MRPL45: variants seen among roughly 807,000 people sequenced by gnomAD.
The protein encoded by MRPL45 is large ribosomal subunit protein mL45.
MRPL45 carries 20 observed loss-of-function variants against 38.1 expected under a neutral mutation model. The ratio of observed to expected loss-of-function variants is 0.53; its 90% CI spans 0.37 to 0.76. The LOEUF is 0.76. MRPL45 is among the 30% of genes least tolerant of loss of function. The pLI is 0.00. For synonymous variants in MRPL45, 105 were observed against 128.8 expected (o/e 0.82, Z 1.25); for missense variants, 337 against 395.6 (o/e 0.85, Z 1.26).
At chr17:38,304,370 G>A (rs1244449752) in intron 3 of MRPL45, among the ~76,000 whole-genome samples, 1 of 152,078 alleles carries the variant, frequency 6.6e-6, no homozygotes, top group African/African-American at 2.4e-5. Flanking sequence ...CAGTTACTTG[G>A]GAGTCTGAAG....
chr17:38,309,075 T>G (rs554181904), intron 4 of MRPL45, among the ~76,000 whole-genome samples: 1 of 151,324 alleles, frequency 6.6e-6, no homozygotes, highest in Admixed American at 6.6e-5. Flanking sequence ...CCCAGCTAAT[T>G]TTTGTATTTT....
chr17:38,298,725 C>T (rs1416836450), intron 2 of MRPL45, 99 bp downstream of exon 2: 13 of 1,503,188 alleles, frequency 8.6e-6, no homozygotes, highest in African/African-American at 2.8e-5. Context: ...TAATTAAGCA[C>T]GAAGTCAGTT....
At chr17:38,311,837 A>G (rs1195382322) in intron 4 of MRPL45, among the ~76,000 whole-genome samples, 1 of 152,130 alleles carries the variant, frequency 6.6e-6, no homozygotes, top group Admixed American at 6.6e-5. Context: ...AGCCTCTAGA[A>G]CTGTGAGAAA....
chr17:38,304,746 A>G (rs1412538208), intron 3 of MRPL45, among the ~76,000 whole-genome samples: 1 of 151,542 alleles, frequency 6.6e-6, no homozygotes, highest in African/African-American at 2.4e-5. Flanking sequence ...GTTTCACCAT[A>G]TTGGCCAGGC....
In MRPL45 at chr17:38,320,673, T is replaced by C. The variant is rs1352254216; in HGVS notation, c.566T>C (p.Leu189Ser). 3 of 1,614,072 alleles carry C rather than the reference T, an allele frequency of 1.9e-6. No homozygotes were observed. Among genetic ancestry groups the C allele is most frequent in the East Asian group, 4.5e-5 (2 of 44,894 alleles). ...GTCCGCTGGAGCTTTGTGGAATCTT[T>C]AGAGCCCTCTCATGTTGTTCAAGTT... is the stretch of plus-strand genomic sequence containing the variant. ...KTVRWSFVES[L>S]EPSHVVQVRC... The change falls in exon 6 of 8, where the codon TTA becomes TCA. Residue 189 changes from leucine to serine, a missense_variant. Transcript: ENST00000613675.
intron 5 of MRPL45, among the ~76,000 whole-genome samples, chr17:38,318,996 T>TA (rs1254845883): frequency 2.7e-4 from 34 of 126,330 alleles, no homozygotes; most frequent in African/African-American, 5.9e-4. Context: ...CCCAGCTAAT[T>TA]TTTTATTTAT....
At chr17:38,313,218 C>T (rs1442536414) in intron 4 of MRPL45, among the ~76,000 whole-genome samples, 40 of 147,936 alleles carry the variant, frequency 2.7e-4, no homozygotes, top group Non-Finnish European at 2.7e-4. Context: ...CTCCTGACCT[C>T]GTGATCCACC....
chr17:38,297,254 G>C lies in MRPL45; in HGVS notation c.66+5G>C. 1 of 1,613,998 alleles carries C rather than the reference G, an allele frequency of 6.2e-7. No homozygotes were observed. The highest frequency in any genetic ancestry group is 8.5e-7 in the Non-Finnish European group (1 of 1,179,862). ...TTGGGCTGGTGGTCTCGGCAGGTGG[G>C]TAGGGACGGGGCCGATAGGACCCTA... is the stretch of plus-strand genomic sequence containing the variant. On this transcript the variant is annotated splice_donor_5th_base_variant and intron_variant, in intron 1 of 7. Coordinates refer to ENST00000613675, the MANE Select transcript of MRPL45 (RefSeq NM_032351.6).
chr17:38,307,271 G>A (rs1382079558), intron 4 of MRPL45, among the ~76,000 whole-genome samples: 1 of 151,488 alleles, frequency 6.6e-6, no homozygotes, highest in Non-Finnish European at 1.5e-5. Context: ...CCTGACCTCA[G>A]GCAACCTGCC....
intron 4 of MRPL45, among the ~76,000 whole-genome samples, chr17:38,310,958 A>G (rs1830849287): frequency 6.6e-6 from 1 of 152,130 alleles, no homozygotes; most frequent in Non-Finnish European, 1.5e-5. Context: ...AAAATCTAAG[A>G]CAATCATTTA....
chr17:38,313,312 A>ATATATATATATATATATATATATACG (rs2037135606), intron 4 of MRPL45, among the ~76,000 whole-genome samples: 2 of 30,936 alleles, frequency 6.5e-5, no homozygotes, highest in East Asian at 1.4e-3. Context: ...AAAAAAAAAA[A>ATATATATATATATATATATATATACG]TATATATATA....
intron 3 of MRPL45, among the ~76,000 whole-genome samples, chr17:38,305,468 CAAAA>C (rs570891836): frequency 8.9e-6 from 1 of 112,436 alleles, no homozygotes; most frequent in Admixed American, 9.2e-5. Flanking sequence ...GACTCTGTCT[CAAAA>C]AAAAAAAAAA....
intron 3 of MRPL45, among the ~76,000 whole-genome samples, chr17:38,305,206 G>C (rs1307900582): frequency 7.6e-6 from 1 of 131,994 alleles, no homozygotes; most frequent in Non-Finnish European, 1.7e-5. Flanking sequence ...CCATGGCTCA[G>C]GCCTGTAATC....
At position 38,322,312 on chromosome 17, in the gene MRPL45, G is replaced by C. The variant is rs751485191; in HGVS notation, c.834+13G>C. 14 of 1,612,574 alleles carry C rather than the reference G, an allele frequency of 8.7e-6. No homozygotes were observed. The Admixed American group carries it at 2.3e-4, about 27-fold the overall frequency. The stretch of plus-strand genomic sequence containing the variant: ...GCCCATCCTTAAGGTAAGGTGGCTT[G>C]CATGGTTTAAGAGAGCTGAGGCACT... On this transcript the variant is annotated intron_variant, in intron 7 of 7. Transcript: ENST00000613675.
intron 4 of MRPL45, among the ~76,000 whole-genome samples, chr17:38,307,244 C>T (rs2144214569): frequency 6.6e-6 from 1 of 151,884 alleles, no homozygotes; most frequent in South Asian, 2.1e-4. Flanking sequence ...TCATGTTGGC[C>T]AGACTGGTCC....
Position 38,320,756 on chromosome 17 carries a change from C to T in MRPL45, c.649C>T (p.His217Tyr). The change falls in exon 6 of 8, where the codon CAC becomes TAC. Residue 217 changes from histidine (H) to tyrosine (Y), a missense_variant. Physicochemically the swap from His to Tyr is moderately conservative, Grantham distance 83. Transcript: ENST00000613675. Reference protein sequence around the residue: ...NVYGQITVRMHTRQTLAIYDR... With the variant: ...NVYGQITVRMYTRQTLAIYDR... ...GTACGGCCAGATCACCGTACGCATGCACACCCGGCAGGTAGAGGCACTCGT... is the reference window on the plus strand; with the variant it reads ...GTACGGCCAGATCACCGTACGCATGTACACCCGGCAGGTAGAGGCACTCGT... 2 of 1,613,982 alleles carry T rather than the reference C, an allele frequency of 1.2e-6. No individual in the cohort carries two copies. The highest frequency in any genetic ancestry group is 8.5e-7 in the Non-Finnish European group (1 of 1,180,014).
At chr17:38,320,863 A>T in intron 6 of MRPL45, 96 bp downstream of exon 6, 1 of 1,202,770 alleles carries the variant, frequency 8.3e-7, no homozygotes, top group South Asian at 1.3e-5. Context: ...AGGACTGTAG[A>T]CAGTAATAAA....
intron 4 of MRPL45, among the ~76,000 whole-genome samples, chr17:38,314,916 A>G (rs1422187417): frequency 6.6e-6 from 1 of 152,236 alleles, no homozygotes; most frequent in African/African-American, 2.4e-5. Context: ...ACTTAGTTTC[A>G]ATAATATACA....
At chr17:38,314,680 G>A (rs913827600) in intron 4 of MRPL45, among the ~76,000 whole-genome samples, 3 of 151,956 alleles carry the variant, frequency 2.0e-5, no homozygotes, top group Non-Finnish European at 4.4e-5. Flanking sequence ...TTTTTTGCAT[G>A]AGAATATTCA....
Sources: gnomAD v4.1 joint callset for allele counts (sites outside exome capture counted in the v4.1 genomes callset) on GRCh38, gnomAD v4.1.1 for gene constraint, MANE v1.5 for transcripts, NCBI Gene and HGNC (gene_info 2026-07-23, HGNC 2026-07-21) for gene names.